Variants in RARB observed in about 807,000 individuals in gnomAD.
RARB encodes the protein retinoic acid receptor beta, also known as HBV-activated protein.
Under a neutral mutation model 51.9 loss-of-function variants are expected in RARB, and 17 were observed. That is an observed-to-expected ratio of 0.33 (90% CI 0.22 to 0.49). The LOEUF is 0.49. Among genes scored for constraint, RARB ranks in the 20% least tolerant of loss-of-function variants. RARB has a pLI of 0.99. For synonymous variants in RARB, 215 were observed against 195.4 expected, an observed-to-expected ratio of 1.10 and a Z score of -0.84; for missense variants, 369 against 550.8, an observed-to-expected ratio of 0.67 and a Z score of 3.30.
At chr3:24,920,763 A>C (rs528767476) in intron 2 of RARB, among the ~76,000 whole-genome samples, 2 of 152,250 alleles carry the variant, frequency 1.3e-5, no homozygotes, top group East Asian at 3.9e-4. Context: ...CAAACAGCCA[A>C]CTTTGTCTGT....
In RARB at chr3:25,174,726, G is replaced by A. The variant is rs935345177; in HGVS notation, c.178+151G>A. On this transcript the variant is annotated intron_variant, in intron 5 of 11. Transcript: ENST00000383772. ...AATTCTACTTTTAGTTCTGTGGAAA[G>A]AGATATGATTTGAAACTAGACAAGT... 1.1e-5 allele frequency: 7 copies of A among 618,868 alleles called. No homozygotes were observed. In the Admixed American group the frequency reaches 3.8e-4, roughly 34 times the overall value. 38.3% of individuals were successfully genotyped at this position (618,868 alleles called of 1,614,324 possible).
chr3:25,453,392 C>G (rs542540857), intron 1 of RARB, among the ~76,000 whole-genome samples: 1 of 152,032 alleles, frequency 6.6e-6, no homozygotes, highest in Admixed American at 6.5e-5. Flanking sequence ...GGATTACAGG[C>G]ATGCATCATC....
At position 25,456,554 on chromosome 3, in the gene RARB, A is replaced by ATTTTTTTTTTTTT. The variant is rs35056259; in HGVS notation, c.158-4626_158-4614dup. Among the ~76,000 whole-genome samples the ATTTTTTTTTTTTT allele has an allele frequency of 1.4e-4, 6 of 44,118 alleles. 2 individuals are homozygous for ATTTTTTTTTTTTT. Among genetic ancestry groups the ATTTTTTTTTTTTT allele is most frequent in the African/African-American group, 5.9e-4 (6 of 10,122 alleles). 28.9% of individuals were successfully genotyped at this position (44,118 alleles called of 152,430 possible). On this transcript the variant is annotated intron_variant, in intron 1 of 7. Transcript: ENST00000330688. ...GGTGATCTGACAGACTATACCACTG[A>ATTTTTTTTTTTTT]TTTTTTTTTTTTTTTTTTTTTTTTT...
chr3:25,019,367 T>C (rs1051546811), intron 2 of RARB, among the ~76,000 whole-genome samples: 5 of 152,156 alleles, frequency 3.3e-5, no homozygotes, highest in Admixed American at 6.6e-5. Flanking sequence ...TGTGATATGA[T>C]AGACAAAGGG....
chr3:25,486,267 T>C (rs950755233), intron 2 of RARB, among the ~76,000 whole-genome samples: 15 of 152,198 alleles, frequency 9.9e-5, no homozygotes, highest in Admixed American at 8.5e-4. Context: ...CGTGGAAATC[T>C]CAAATATCAG....
At chr3:24,866,425 G>T (rs1490553888) in intron 2 of RARB, among the ~76,000 whole-genome samples, 1 of 152,122 alleles carries the variant, frequency 6.6e-6, no homozygotes, top group Non-Finnish European at 1.5e-5. Flanking sequence ...AGAAGCTAAT[G>T]ACCCGTTGTA....
chr3:25,273,262 C>G (rs959802578), intron 5 of RARB, among the ~76,000 whole-genome samples: 1 of 152,206 alleles, frequency 6.6e-6, no homozygotes, highest in Non-Finnish European at 1.5e-5. Context: ...CTGGCCTCAG[C>G]TATCGTGCAT....
chr3:25,071,061 G>GCCACAAA (rs1259238190), intron 3 of RARB, among the ~76,000 whole-genome samples: 2 of 152,128 alleles, frequency 1.3e-5, no homozygotes, highest in Non-Finnish European at 2.9e-5. Context: ...AGTGCAAAAT[G>GCCACAAA]GAGACACTAA....
chr3:25,189,751 G>C (rs572025252), intron 5 of RARB, among the ~76,000 whole-genome samples: 132 of 152,200 alleles, frequency 8.7e-4, no homozygotes, highest in Middle Eastern at 6.8e-3. Context: ...CCGGCATGGT[G>C]GTGGGCGCCT....
chr3:25,352,588 G>C (rs2125458174), intron 5 of RARB, among the ~76,000 whole-genome samples: 1 of 152,150 alleles, frequency 6.6e-6, no homozygotes, highest in African/African-American at 2.4e-5. Flanking sequence ...TGTTTTTCTT[G>C]TCTTTTTCTT....
At chr3:25,363,250 C>A (rs149130131) in intron 5 of RARB, among the ~76,000 whole-genome samples, 1 of 152,050 alleles carries the variant, frequency 6.6e-6, no homozygotes, top group Non-Finnish European at 1.5e-5. Context: ...AGAGAAGGAA[C>A]GTAGGCTGTG....
intron 2 of RARB, among the ~76,000 whole-genome samples, chr3:24,947,568 G>A (rs940523666): frequency 5.3e-5 from 8 of 152,104 alleles, no homozygotes; most frequent in Admixed American, 3.9e-4. Flanking sequence ...GGAGTTCCAC[G>A]GGGATACATT....
chr3:25,080,065 CT>C (rs1698962862), intron 3 of RARB, among the ~76,000 whole-genome samples: 1 of 152,208 alleles, frequency 6.6e-6, no homozygotes, highest in Non-Finnish European at 1.5e-5. Flanking sequence ...CCCAAACAAA[CT>C]CTGCAGTCAT....
At chr3:25,296,960 GA>G (rs767550354) in intron 5 of RARB, among the ~76,000 whole-genome samples, 69 of 152,308 alleles carry the variant, frequency 4.5e-4, no homozygotes, top group Non-Finnish European at 4.9e-4. Flanking sequence ...CGTGGACTGA[GA>G]AGATTCCTAG....
At chr3:25,365,169 G>C (rs576790186) in intron 5 of RARB, among the ~76,000 whole-genome samples, 1 of 145,652 alleles carries the variant, frequency 6.9e-6, no homozygotes, top group Admixed American at 6.9e-5. Context: ...CATGCAAAAG[G>C]TATATAAGCC....
At chr3:25,548,101 CT>C (rs66817079) in intron 3 of RARB, among the ~76,000 whole-genome samples, 7,782 of 126,172 alleles carry the variant, frequency 0.062, 317 homozygotes, top group African/African-American at 0.17. Flanking sequence ...ATTCATTTGG[CT>C]TTTTTTTTTT....
intron 4 of RARB, 152 bp downstream of exon 4, chr3:25,570,070 G>C: frequency 1.8e-6 from 2 of 1,138,964 alleles, no homozygotes; most frequent in Non-Finnish European, 2.4e-6. Context: ...CTGGGGCTAT[G>C]TAGTAGCCAC....
chr3:25,586,207 C>T (rs1701380798), intron 5 of RARB, among the ~76,000 whole-genome samples: 1 of 152,230 alleles, frequency 6.6e-6, no homozygotes, highest in East Asian at 1.9e-4. Flanking sequence ...TCTTCCTGGC[C>T]TATTCCTCAT....
intron 5 of RARB, among the ~76,000 whole-genome samples, chr3:25,384,228 C>G (rs979801360): frequency 6.6e-6 from 1 of 152,210 alleles, no homozygotes; most frequent in South Asian, 2.1e-4. Flanking sequence ...CAGTTGTTAA[C>G]TAGTTGTCTG....
Sources: allele counts gnomAD v4.1 joint callset (sites outside exome capture counted in the v4.1 genomes callset), GRCh38; gene constraint gnomAD v4.1.1; transcripts MANE v1.5; gene names NCBI Gene and HGNC (gene_info 2026-07-23, HGNC 2026-07-21).